Variants in CRISPLD2 observed in about 807,000 individuals in gnomAD.
CRISPLD2 encodes cysteine rich secretory protein LCCL domain containing 2.
Under a neutral mutation model 71.1 loss-of-function variants are expected in CRISPLD2, and 47 were observed. The observed-to-expected ratio is 0.66, with a 90% confidence interval of 0.52 to 0.84. CRISPLD2 has a LOEUF of 0.84. Among genes scored for constraint, CRISPLD2 ranks in the 40% least tolerant of loss-of-function variants. The pLI, the probability that CRISPLD2 is intolerant of heterozygous loss-of-function variation, is 0.00. For synonymous variants in CRISPLD2, 317 were observed against 250.1 expected (o/e 1.27, Z -2.52); for missense variants, 830 against 651.1 (o/e 1.27, Z -2.99).
At chr16:84,845,527 G>C (rs921004128) in intron 2 of CRISPLD2, among the ~76,000 whole-genome samples, 12 of 152,248 alleles carry the variant, frequency 7.9e-5, no homozygotes, top group African/African-American at 2.7e-4. Flanking sequence ...CTGTTTCACA[G>C]ACACTGAGGC....
At chr16:84,846,533 CA>C (rs1916919268) in intron 3 of CRISPLD2, among the ~76,000 whole-genome samples, 1 of 152,192 alleles carries the variant, frequency 6.6e-6, no homozygotes, top group Non-Finnish European at 1.5e-5. Context: ...GGATTACAGG[CA>C]TGAGCCACCG....
intron 13 of CRISPLD2, among the ~76,000 whole-genome samples, chr16:84,888,219 G>T (rs1310251656): frequency 2.6e-5 from 4 of 152,106 alleles, no homozygotes; most frequent in Non-Finnish European, 5.9e-5. Flanking sequence ...ATTGGCTCAT[G>T]GCCTCTTCTT....
intron 11 of CRISPLD2, among the ~76,000 whole-genome samples, chr16:84,874,515 A>G (rs2143295110): frequency 6.6e-6 from 1 of 152,310 alleles, no homozygotes; most frequent in East Asian, 1.9e-4. Context: ...GAAGGGATGG[A>G]TCATAGCTGC....
At chr16:84,867,109 G>A (rs1917563363) in intron 7 of CRISPLD2, 69 bp downstream of exon 7, 6 of 1,531,926 alleles carry the variant, frequency 3.9e-6, no homozygotes, top group Non-Finnish European at 5.4e-6. Flanking sequence ...GGTGGGTGGA[G>A]GAGGGGAGCT....
chr16:84,865,984 T>A (rs1254801178), intron 6 of CRISPLD2, among the ~76,000 whole-genome samples: 1 of 152,190 alleles, frequency 6.6e-6, no homozygotes, highest in African/African-American at 2.4e-5. Context: ...AGTCTGACAT[T>A]ATTGGACAGT....
chr16:84,854,180 A>T (rs77801031), intron 5 of CRISPLD2, among the ~76,000 whole-genome samples: 4,246 of 152,180 alleles, frequency 0.028, 185 homozygotes, highest in African/African-American at 0.096. Context: ...AAGTCACTTA[A>T]CCTCACTGTG....
At chr16:84,830,878 C>T (rs912046555) in intron 1 of CRISPLD2, among the ~76,000 whole-genome samples, 2 of 152,134 alleles carry the variant, frequency 1.3e-5, no homozygotes, top group African/African-American at 4.8e-5. Context: ...GGATCTCTTT[C>T]CAGAAACTCC....
At chr16:84,858,954 ATCTT>A (rs1229749594) in intron 6 of CRISPLD2, among the ~76,000 whole-genome samples, 1 of 152,228 alleles carries the variant, frequency 6.6e-6, no homozygotes, top group African/African-American at 2.4e-5. Flanking sequence ...AGATCCATCT[ATCTT>A]CTGCACAGGC....
chr16:84,871,336 G>C (rs1053857192), intron 8 of CRISPLD2, among the ~76,000 whole-genome samples: 1 of 151,512 alleles, frequency 6.6e-6, no homozygotes, highest in Non-Finnish European at 1.5e-5. Context: ...TGGGTGGATT[G>C]CTTGAGCCCA....
chr16:84,848,248 G>A (rs769257888), intron 3 of CRISPLD2, among the ~76,000 whole-genome samples: 4 of 152,166 alleles, frequency 2.6e-5, no homozygotes, highest in East Asian at 1.9e-4. Context: ...CTGTGTGCAC[G>A]CCTTTCTGCA....
intron 6 of CRISPLD2, among the ~76,000 whole-genome samples, chr16:84,861,765 A>C (rs1917388107): frequency 6.6e-6 from 1 of 152,160 alleles, no homozygotes; most frequent in South Asian, 2.1e-4. Flanking sequence ...CTCTACAAAA[A>C]ATAAATAGAA....
At chr16:84,871,972 G>A (rs559665389) in intron 8 of CRISPLD2, among the ~76,000 whole-genome samples, 1 of 150,170 alleles carries the variant, frequency 6.7e-6, no homozygotes, top group South Asian at 2.1e-4. Flanking sequence ...TCAACCAACT[G>A]CAGATCAAAA....
chr16:84,882,980 T>G (rs1468142329), intron 13 of CRISPLD2, among the ~76,000 whole-genome samples: 1 of 152,232 alleles, frequency 6.6e-6, no homozygotes. Flanking sequence ...AAAAGCTATG[T>G]GCAGTCTTCA....
chr16:84,882,517 G>T (rs2071578023), intron 13 of CRISPLD2, among the ~76,000 whole-genome samples: 1 of 152,076 alleles, frequency 6.6e-6, no homozygotes, highest in Admixed American at 6.6e-5. Flanking sequence ...AGATTCTCCT[G>T]CCTCAGCCTC....
chr16:84,853,510 G>C (rs915018798), intron 5 of CRISPLD2, among the ~76,000 whole-genome samples: 3 of 152,200 alleles, frequency 2.0e-5, no homozygotes, highest in Non-Finnish European at 4.4e-5. Context: ...TCCCCACACT[G>C]CACGGCCCAC....
chr16:84,865,796 T>C (rs756780934), intron 6 of CRISPLD2, among the ~76,000 whole-genome samples: 44 of 152,210 alleles, frequency 2.9e-4, no homozygotes, highest in Non-Finnish European at 5.9e-4. Context: ...TTTGTAGTTG[T>C]CTTTCAGGAT....
chr16:84,900,697 A>G (rs930660584), intron 14 of CRISPLD2, among the ~76,000 whole-genome samples: 5 of 152,110 alleles, frequency 3.3e-5, no homozygotes, highest in Non-Finnish European at 7.4e-5. Context: ...GCTCACTCTC[A>G]GGCACCCTCA....
intron 14 of CRISPLD2, among the ~76,000 whole-genome samples, chr16:84,891,782 G>C (rs1349771991): frequency 1.3e-5 from 2 of 152,192 alleles, no homozygotes; most frequent in African/African-American, 2.4e-5. Flanking sequence ...CAGGGATGGA[G>C]AGAAGGCCCC....
At chr16:84,887,005 C>T (rs1250692952) in intron 13 of CRISPLD2, among the ~76,000 whole-genome samples, 2 of 152,226 alleles carry the variant, frequency 1.3e-5, no homozygotes, top group African/African-American at 4.8e-5. Context: ...TACTTCCTGT[C>T]TCCAGGAATT....
Sources: gnomAD v4.1 joint callset for allele counts (sites outside exome capture counted in the v4.1 genomes callset) on GRCh38, gnomAD v4.1.1 for gene constraint, MANE v1.5 for transcripts, NCBI Gene and HGNC (gene_info 2026-07-23, HGNC 2026-07-21) for gene names.